FAT3: variants seen among roughly 807,000 people sequenced by gnomAD.
FAT3 encodes protocadherin Fat 3.
FAT3 carries 95 observed loss-of-function variants against 310.2 expected under a neutral mutation model. The ratio of observed to expected loss-of-function variants is 0.31; its 90% confidence interval spans 0.26 to 0.36. The LOEUF (loss-of-function observed/expected upper bound fraction) is 0.36, where lower values mean the gene tolerates loss of function less well. Among genes scored for constraint, FAT3 ranks in the 10% least tolerant of loss-of-function variants. The pLI is 1.00. For synonymous variants in FAT3, 2,314 were observed against 2,192.9 expected (o/e 1.06, Z -1.54); for missense variants, 5,408 against 5,715.6 (o/e 0.95, Z 1.74).
chr11:92,438,309 T>C (rs2135061384), intron 2 of FAT3, among the ~76,000 whole-genome samples: 1 of 152,324 alleles, frequency 6.6e-6, no homozygotes, highest in East Asian at 1.9e-4. Flanking sequence ...TGTGATCTTA[T>C]TTAAAAAATA....
chr11:92,568,214 A>G (rs1415374088), intron 3 of FAT3, among the ~76,000 whole-genome samples: 2 of 152,110 alleles, frequency 1.3e-5, no homozygotes, highest in Non-Finnish European at 2.9e-5. Context: ...AGTGGAGGCA[A>G]TCACAATGCA....
intron 14 of FAT3, among the ~76,000 whole-genome samples, chr11:92,832,938 G>T (rs551560152): frequency 6.6e-6 from 1 of 152,258 alleles, no homozygotes; most frequent in South Asian, 2.1e-4. Context: ...TTCATGGTCA[G>T]AACACTCATT....
intron 3 of FAT3, among the ~76,000 whole-genome samples, chr11:92,566,569 C>T (rs560170451): frequency 0.015 from 2,251 of 151,710 alleles, 44 homozygotes; most frequent in African/African-American, 0.052. Context: ...AAAAAGAGCC[C>T]GCATTGCCAA....
chr11:92,702,280 G>A (rs760472890), intron 4 of FAT3, among the ~76,000 whole-genome samples: 9 of 152,222 alleles, frequency 5.9e-5, no homozygotes, highest in Middle Eastern at 3.4e-3. Flanking sequence ...AACAAGGGAC[G>A]CTTAATAAGT....
intron 22 of FAT3, among the ~76,000 whole-genome samples, chr11:92,878,970 T>A (rs1949606438): frequency 6.6e-6 from 1 of 151,786 alleles, no homozygotes; most frequent in Non-Finnish European, 1.5e-5. Context: ...CAGTATTGGC[T>A]GAAAATAAAC....
chr11:92,355,714 C>A (rs1432270504), intron 2 of FAT3, among the ~76,000 whole-genome samples: 1 of 152,128 alleles, frequency 6.6e-6, no homozygotes, highest in Non-Finnish European at 1.5e-5. Context: ...TGATTGTACT[C>A]CTGACCCTCT....
chr11:92,543,199 A>C (rs541075), intron 3 of FAT3, among the ~76,000 whole-genome samples: 2 of 151,598 alleles, frequency 1.3e-5, no homozygotes, highest in Admixed American at 6.6e-5. Flanking sequence ...AGAGGATAGG[A>C]AGAGATTAAT....
rs568872854 is a variant in FAT3 at position 92,366,487 on chromosome 11, C to T, written c.3292+11083C>T. 9.3e-4 allele frequency: 412 copies of T among 442,108 alleles called. 4 individuals are homozygous for T. The highest frequency in any genetic ancestry group is 6.9e-3 in the South Asian group (395 of 57,630). The allele number at this position is 442,108 out of a possible 1,614,324, so 27.4% of individuals were successfully genotyped here. ...GTGCTCCTGGGGACAGTAGCTTGCC[C>T]GCCAGCCCTCACTTCTTGGCCTTAC... On this transcript the variant is annotated intron_variant, in intron 2 of 27. Transcript: ENST00000525166.
At position 92,883,470 on chromosome 11, in the gene FAT3, G is replaced by A; in HGVS notation, c.12937+77G>A. The A allele has an allele frequency of 1.3e-5, 19 of 1,505,586 alleles. No homozygotes were observed. The highest frequency in any genetic ancestry group is 1.7e-5 in the Non-Finnish European group (19 of 1,121,904). The allele number at this position is 1,505,586 out of a possible 1,614,324, so 93.3% of individuals were successfully genotyped here. A position where few individuals can be genotyped will look rare whatever the true frequency, so the allele number is the denominator to read the frequency against. On this transcript the variant is annotated intron_variant, in intron 24 of 27. Transcript: ENST00000525166. The surrounding 1 kb of genome is among the most constrained non-coding windows in gnomAD (Gnocchi z 4.2). ...GGGGCGCTGTGCGAGGACGCTACGGGAAGGGAGAGAGACCCCGCATGCAGA... is the reference window on the plus strand; with the variant it reads ...GGGGCGCTGTGCGAGGACGCTACGGAAAGGGAGAGAGACCCCGCATGCAGA...
intron 3 of FAT3, among the ~76,000 whole-genome samples, chr11:92,559,140 G>A (rs901912790): frequency 1.3e-5 from 2 of 151,884 alleles, no homozygotes; most frequent in African/African-American, 2.4e-5. Flanking sequence ...TATTTTTTTG[G>A]TAACAGTTTA....
At chr11:92,839,052 C>T (rs898804740) in intron 17 of FAT3, among the ~76,000 whole-genome samples, 1 of 152,216 alleles carries the variant, frequency 6.6e-6, no homozygotes, top group Non-Finnish European at 1.5e-5. Flanking sequence ...GACTGTTGCT[C>T]ACAAGGGTGC....
intron 4 of FAT3, among the ~76,000 whole-genome samples, chr11:92,700,873 A>G (rs1944078598): frequency 6.6e-6 from 1 of 152,132 alleles, no homozygotes; most frequent in Non-Finnish European, 1.5e-5. Context: ...TTTTTCTTCT[A>G]TATGACATTG....
intron 13 of FAT3, among the ~76,000 whole-genome samples, chr11:92,812,542 A>G (rs1286312962): frequency 6.6e-6 from 1 of 151,822 alleles, no homozygotes; most frequent in Non-Finnish European, 1.5e-5. Context: ...ATATTGTGCC[A>G]GTGCACTCCA....
intron 1 of FAT3, among the ~76,000 whole-genome samples, chr11:92,266,763 A>G (rs1314406958): frequency 6.6e-6 from 1 of 152,058 alleles, no homozygotes; most frequent in Non-Finnish European, 1.5e-5. Flanking sequence ...GTTTGTTGGG[A>G]TGGTGAATAT....
At chr11:92,521,528 C>T (rs111384040) in intron 2 of FAT3, among the ~76,000 whole-genome samples, 5 of 152,112 alleles carry the variant, frequency 3.3e-5, no homozygotes, top group South Asian at 4.1e-4. Context: ...ATGCCACACA[C>T]GCATTTTGCC....
intron 2 of FAT3, among the ~76,000 whole-genome samples, chr11:92,482,360 C>T (rs769983766): frequency 2.0e-5 from 3 of 152,084 alleles, no homozygotes; most frequent in Admixed American, 6.6e-5. Context: ...TATCACAGTG[C>T]CAGGTTTGCT....
At chr11:92,817,059 A>C (rs904136069) in intron 13 of FAT3, among the ~76,000 whole-genome samples, 1 of 152,136 alleles carries the variant, frequency 6.6e-6, no homozygotes, top group African/African-American at 2.4e-5. Flanking sequence ...GAAGATGCTC[A>C]AAGGGAGATG....
In FAT3 at chr11:92,354,822, A is replaced by G. The variant is rs1948687172; in HGVS notation, c.2710A>G (p.Ile904Val). The G allele has an allele frequency of 1.2e-6, 2 of 1,613,776 alleles. No individual in the cohort carries two copies. Among genetic ancestry groups the G allele is most frequent in the African/African-American group, 1.3e-5 (1 of 74,910 alleles). Residue 904 changes from isoleucine to valine, a missense_variant, in exon 2 of 28, where the codon ATA (isoleucine) becomes GTA (valine). This residue lies in a region of FAT3 where 4,588 missense variants were observed against 4,809.8 expected (regional missense o/e 0.95). Coordinates refer to ENST00000525166, the MANE Select transcript of FAT3 (RefSeq NM_001367949.2). ...RESKANYSLK[I>V]EARDKAESGQ... ...ATCCAAAGCCAATTATTCTTTGAAA[A>G]TAGAAGCCAGGGACAAGGCAGAGAG...
At position 92,277,870 on chromosome 11, in the gene FAT3, T is replaced by TA. The variant is rs144314777; in HGVS notation, c.-18+52706dup. 1.1e-3 allele frequency among the ~76,000 whole-genome samples: 160 copies of TA among 146,030 alleles called. 4 individuals carry two copies. In the East Asian group the frequency reaches 0.022, roughly 20 times the overall value. On this transcript the variant is annotated intron_variant, in intron 1 of 27. Transcript: ENST00000525166. Reference sequence around the variant, plus strand: ...TCTAAAAAGTCAATCTTTTTTTTTTTAAAAAAAAAAGGTAAACTTGGGCAA... The same window carrying TA: ...TCTAAAAAGTCAATCTTTTTTTTTTTAAAAAAAAAAAGGTAAACTTGGGCAA...
Sources: allele counts gnomAD v4.1 joint callset (sites outside exome capture counted in the v4.1 genomes callset), GRCh38; gene constraint gnomAD v4.1.1; regional missense constraint gnomAD v4.1.1; non-coding constraint Gnocchi (gnomAD v3.1); transcripts MANE v1.5; gene names NCBI Gene and HGNC (gene_info 2026-07-23, HGNC 2026-07-21).